Variants in SH2B3 observed in about 807,000 individuals in gnomAD.
SH2B3 encodes the protein SH2B adapter protein 3.
SH2B3 carries 43 observed loss-of-function variants against 51.9 expected under a neutral mutation model. That is an observed-to-expected ratio of 0.83 (90% CI 0.65 to 1.07). The LOEUF is 1.07. Among genes scored for constraint, SH2B3 ranks in the 50% least tolerant of loss-of-function variants. The probability of loss-of-function intolerance (pLI) is 0.00; values close to 1 mark genes in which losing one functional copy is unlikely to be tolerated. For missense variants in SH2B3, 952 were observed against 834.3 expected, an observed-to-expected ratio of 1.14 and a Z score of -1.74; for synonymous variants, 396 against 376.0, an observed-to-expected ratio of 1.05 and a Z score of -0.62.
rs979076421 is a variant in SH2B3, at chr12:111,446,959, C to T, written c.852C>T (p.Asp284=). 5.0e-6 allele frequency: 8 copies of T among 1,613,926 alleles called. No homozygotes were observed. In the African/African-American group the frequency reaches 9.3e-5, roughly 19 times the overall value. ...CCTGCCAGGTGAAGGACCGGACAGA[C>T]ATCATCTTTGAGGTGGGAGACGAGC... is the stretch of plus-strand genomic sequence containing the variant. ...TFVLKVKDRT[D]IIFEVGDEQQ... Residue 284 remains aspartate, a synonymous_variant, in exon 4 of 8, where the codon GAC becomes GAT. Transcript: ENST00000341259.
chr12:111,448,225 C>A lies in SH2B3; in HGVS notation c.1651C>A (p.Arg551=), dbSNP rs376914049. The A allele has an allele frequency of 1.9e-6, 3 of 1,614,112 alleles. No individual in the cohort carries two copies. Among genetic ancestry groups the A allele is most frequent in the East Asian group, 4.5e-5 (2 of 44,872 alleles). The change falls in exon 8 of 8, where the codon CGG becomes AGG. Residue 551 remains arginine, a synonymous_variant. Transcript: ENST00000341259. The part of the protein sequence containing the change: ...HLEHEPVNRA[R]DSDYEMDSSS... ...GGAGCATGAGCCTGTGAATCGAGCC[C>A]GGGACTCGGACTACGAAATGGACTC... is the stretch of plus-strand genomic sequence containing the variant.
At position 111,447,691 on chromosome 12, in the gene SH2B3, C is replaced by T. The variant is rs1373538785; in HGVS notation, c.1272C>T (p.Cys424=). The change falls in exon 7 of 8, where the codon TGC becomes TGT. Residue 424 remains cysteine (C), a synonymous_variant. Coordinates refer to ENST00000341259, the MANE Select transcript of SH2B3 (RefSeq NM_005475.3). ...LRLSLTERGQ[C]RVQHLHFPSV... ...TGTCGCTGACAGAGCGGGGCCAGTG[C>T]CGTGTGCAGCACCTCCACTTTCCCT... 6.2e-7 allele frequency: 1 copy of T among 1,613,608 alleles called. No homozygotes were observed. The highest frequency in any genetic ancestry group is 8.5e-7 in the Non-Finnish European group (1 of 1,179,814).
At position 111,409,412 on chromosome 12, in the gene SH2B3, G is replaced by A. The variant is rs989973428; in HGVS notation, c.-28+3135G>A. On this transcript the variant is annotated intron_variant, in intron 1 of 7. Transcript: ENST00000341259. The surrounding 1 kb of genome is among the most constrained non-coding windows in gnomAD (Gnocchi z 4.0). ...TAATTGCCAGGTTTCCTGGGAAAAC[G>A]GTCCCCAAGGGCCCGCGGGCGTTCA... Among the ~76,000 whole-genome samples, 4 of 152,188 alleles carry A rather than the reference G, an allele frequency of 2.6e-5. No individual in the cohort carries two copies. Among genetic ancestry groups the A allele is most frequent in the South Asian group, 2.1e-4 (1 of 4,832 alleles).
Position 111,444,656 on chromosome 12 carries a change from C to A in SH2B3, c.733-2097C>A, listed in dbSNP as rs1356086766. 4 of 806,988 alleles carry A rather than the reference C, an allele frequency of 5.0e-6. No homozygotes were observed. The East Asian group carries it at 4.8e-4, about 98-fold the overall frequency. The allele number at this position is 806,988 out of a possible 1,614,324, so 50.0% of individuals were successfully genotyped here. A position where few individuals can be genotyped will look rare whatever the true frequency, so the allele number is the denominator to read the frequency against. Reference sequence around the variant, plus strand: ...AAGCCCCCACAGCTGCTGACACAGCCCCCAGGTTTGAGCTTGTCTCCCCTC... The same window carrying A: ...AAGCCCCCACAGCTGCTGACACAGCACCCAGGTTTGAGCTTGTCTCCCCTC... On this transcript the variant is annotated intron_variant, in intron 2 of 7. Transcript: ENST00000341259.
rs1444890064 is a variant in SH2B3 at position 111,410,856 on chromosome 12, C to A, written c.-28+4579C>A. 6.6e-6 allele frequency among the ~76,000 whole-genome samples: 1 copy of A among 152,186 alleles called. No individual in the cohort carries two copies. Among genetic ancestry groups the A allele is most frequent in the African/African-American group, 2.4e-5 (1 of 41,432 alleles). ...GTCAGAATCCCACAACTCTCTGGGC[C>A]TCCTTAGGCCACAGGGTCTGGACTC... On this transcript the variant is annotated intron_variant, in intron 1 of 7. Transcript: ENST00000341259. The surrounding 1 kb of genome is among the most constrained non-coding windows in gnomAD (Gnocchi z 4.9).
rs532329372 is a variant in SH2B3 at position 111,406,460 on chromosome 12, C to T, written c.-28+183C>T. Among the ~76,000 whole-genome samples, 33 of 152,184 alleles carry T rather than the reference C, an allele frequency of 2.2e-4. No individual in the cohort carries two copies. Among genetic ancestry groups the T allele is most frequent in the Non-Finnish European group, 4.4e-4 (30 of 68,010 alleles). On this transcript the variant is annotated intron_variant, in intron 1 of 7. Transcript: ENST00000341259. This position sits in a 1 kb window ranked among gnomAD's most constrained non-coding sequence, Gnocchi z 5.7. ...ACGGCTCCCAGCGCCTACGACCCCC[C>T]ACTCAGCCACTACCCCCACCCACAC... is the stretch of plus-strand genomic sequence containing the variant.
chr12:111,433,135 TG>T (rs1374137781), intron 2 of SH2B3, among the ~76,000 whole-genome samples: 2 of 152,214 alleles, frequency 1.3e-5, no homozygotes, highest in African/African-American at 4.8e-5. Context: ...GTGGATCACT[TG>T]ATGTCAGGAG....
chr12:111,413,352 A>G (rs1330086144), intron 1 of SH2B3, among the ~76,000 whole-genome samples: 2 of 152,182 alleles, frequency 1.3e-5, no homozygotes, highest in Admixed American at 1.3e-4. Flanking sequence ...GTGAGCTATG[A>G]TTGTGCCACT....
intron 2 of SH2B3, among the ~76,000 whole-genome samples, chr12:111,425,499 G>A (rs1007850408): frequency 6.6e-6 from 1 of 152,128 alleles, no homozygotes; most frequent in African/African-American, 2.4e-5. Context: ...TGCAGTGAGC[G>A]TGAACCAGGC....
At position 111,409,467 on chromosome 12, in the gene SH2B3, G is replaced by A. The variant is rs1870510183; in HGVS notation, c.-28+3190G>A. Among the ~76,000 whole-genome samples the A allele has an allele frequency of 3.3e-5, 5 of 152,202 alleles. No individual in the cohort carries two copies. Among genetic ancestry groups the A allele is most frequent in the Admixed American group, 2.0e-4 (3 of 15,282 alleles). Reference sequence around the variant, plus strand: ...CTTTGACGAGGCAGGGCAGGAAGCCGCTGCCGTCTGGCAGACCGGAGACGC... The same window carrying A: ...CTTTGACGAGGCAGGGCAGGAAGCCACTGCCGTCTGGCAGACCGGAGACGC... On this transcript the variant is annotated intron_variant, in intron 1 of 7. Coordinates refer to ENST00000341259, the MANE Select transcript of SH2B3 (RefSeq NM_005475.3). This position sits in a 1 kb window ranked among gnomAD's most constrained non-coding sequence, Gnocchi z 4.0.
At chr12:111,447,886 C>T (rs775503145) in intron 7 of SH2B3, 59 bp downstream of exon 7, 2 of 1,578,016 alleles carry the variant, frequency 1.3e-6, no homozygotes, top group African/African-American at 1.3e-5. Flanking sequence ...AGGGTAGAGG[C>T]TTGCTGCAGA....
Position 111,418,235 on chromosome 12 carries a change from T to G in SH2B3, c.90T>G (p.Cys30Trp). The G allele has an allele frequency of 6.4e-7, 1 of 1,574,716 alleles. No individual in the cohort carries two copies. Among genetic ancestry groups the G allele is most frequent in the Non-Finnish European group, 8.5e-7 (1 of 1,169,726 alleles). Residue 30 changes from cysteine to tryptophan, a missense_variant, in exon 2 of 8, where the codon TGT (cysteine) becomes TGG (tryptophan). Transcript: ENST00000341259. This position sits in a 1 kb window ranked among gnomAD's most constrained non-coding sequence, Gnocchi z 6.7. ...CCCCGCGGGGCTGGAGCGAGTTCTGTGAGTTGCACGCCGTAGCGGCGGCCC... is the reference window on the plus strand; with the variant it reads ...CCCCGCGGGGCTGGAGCGAGTTCTGGGAGTTGCACGCCGTAGCGGCGGCCC... The part of the protein sequence containing the change: ...AAAPRGWSEF[C>W]ELHAVAAARE...
In SH2B3 at chr12:111,407,654, C is replaced by G. The variant is rs571313216; in HGVS notation, c.-28+1377C>G. Among the ~76,000 whole-genome samples, 35 of 152,208 alleles carry G rather than the reference C, an allele frequency of 2.3e-4. 1 individual carries two copies. Among genetic ancestry groups the G allele is most frequent in the Admixed American group, 2.3e-3 (35 of 15,284 alleles). On this transcript the variant is annotated intron_variant, in intron 1 of 7. Transcript: ENST00000341259. The surrounding 1 kb of genome is among the most constrained non-coding windows in gnomAD (Gnocchi z 4.3). ...GGGTTTTTAGTGCACTTTTCCTGAG[C>G]CTTTTCCCACTACCCCCTCTGGGAG...
rs575723997 is a variant in SH2B3, at chr12:111,411,714, T to C, written c.-28+5437T>C. On this transcript the variant is annotated intron_variant, in intron 1 of 7. Transcript: ENST00000341259. ...GGTGGACCCGGTTGTGTTCTGAGCTTGGGGTCCTGAGATGCAGACACCCCC... is the reference window on the plus strand; with the variant it reads ...GGTGGACCCGGTTGTGTTCTGAGCTCGGGGTCCTGAGATGCAGACACCCCC... Among the ~76,000 whole-genome samples, 16 of 152,186 alleles carry C rather than the reference T, an allele frequency of 1.1e-4. No individual in the cohort carries two copies. The East Asian group carries it at 2.7e-3, about 26-fold the overall frequency.
chr12:111,418,834 C>A lies in SH2B3; in HGVS notation c.689C>A (p.Pro230His). Reference protein sequence around the residue: ...GRLALRRAPGPDGPDRVLELF... With the variant: ...GRLALRRAPGHDGPDRVLELF... Reference sequence around the variant, plus strand: ...CTGGCGCTGCGCCGGGCCCCGGGCCCCGATGGCCCCGACCGCGTGCTGGAG... The same window carrying A: ...CTGGCGCTGCGCCGGGCCCCGGGCCACGATGGCCCCGACCGCGTGCTGGAG... Residue 230 changes from proline (P) to histidine (H), a missense_variant, in exon 2 of 8, where the codon CCC (proline) becomes CAC (histidine). Physicochemically the swap from Pro to His is moderately conservative, Grantham distance 77. Transcript: ENST00000341259. The surrounding 1 kb of genome is among the most constrained non-coding windows in gnomAD (Gnocchi z 6.7). 7.0e-7 allele frequency: 1 copy of A among 1,420,298 alleles called. No homozygotes were observed. The highest frequency in any genetic ancestry group is 9.1e-7 in the Non-Finnish European group (1 of 1,101,236). 88.0% of individuals were successfully genotyped at this position (1,420,298 alleles called of 1,614,324 possible).
intron 2 of SH2B3, among the ~76,000 whole-genome samples, chr12:111,430,321 G>A (rs891883424): frequency 6.6e-6 from 1 of 152,186 alleles, no homozygotes; most frequent in African/African-American, 2.4e-5. Context: ...ACCCCCGACC[G>A]CGCTGAAACC....
rs1187147830 is a variant in SH2B3 at position 111,435,023 on chromosome 12, C to T, written c.733-11730C>T. On this transcript the variant is annotated intron_variant, in intron 2 of 7. Transcript: ENST00000341259. The surrounding 1 kb of genome is among the most constrained non-coding windows in gnomAD (Gnocchi z 4.8). ...CCTCTTCTTCTGAATCATCGTTCTTCGAAGGCAGGCAGTAGCTACCGTTGT... is the reference window on the plus strand; with the variant it reads ...CCTCTTCTTCTGAATCATCGTTCTTTGAAGGCAGGCAGTAGCTACCGTTGT... The T allele has an allele frequency of 3.9e-6, 6 of 1,534,196 alleles. No homozygotes were observed. The South Asian group carries it at 5.9e-5, about 15-fold the overall frequency.
rs140364605 is a variant in SH2B3 at position 111,446,268 on chromosome 12, A to T, written c.733-485A>T. Reference sequence around the variant, plus strand: ...CCTGCTGGCAAAGGAACAGTGGCTAACTCCTATCCACCCTGCAGCCCTATG... The same window carrying T: ...CCTGCTGGCAAAGGAACAGTGGCTATCTCCTATCCACCCTGCAGCCCTATG... On this transcript the variant is annotated intron_variant, in intron 2 of 7. Transcript: ENST00000341259. Among the ~76,000 whole-genome samples the T allele has an allele frequency of 3.8e-3, 575 of 152,302 alleles. 3 individuals carry two copies. Among genetic ancestry groups the T allele is most frequent in the African/African-American group, 0.013 (549 of 41,564 alleles).
intron 1 of SH2B3, among the ~76,000 whole-genome samples, chr12:111,414,079 G>A (rs1368478742): frequency 6.6e-6 from 1 of 152,214 alleles, no homozygotes; most frequent in Non-Finnish European, 1.5e-5. Flanking sequence ...TCTCACCTGT[G>A]TCAAGGCTGG....
Sources: gnomAD v4.1 joint callset for allele counts (sites outside exome capture counted in the v4.1 genomes callset) on GRCh38, gnomAD v4.1.1 for gene constraint, Gnocchi (gnomAD v3.1) non-coding constraint, MANE v1.5 for transcripts, NCBI Gene and HGNC (gene_info 2026-07-23, HGNC 2026-07-21) for gene names.